PRR5L: variants seen among roughly 807,000 people sequenced by gnomAD.
PRR5L encodes proline rich 5 like.
Under a neutral mutation model 36.4 loss-of-function variants are expected in PRR5L, and 21 were observed. That is an observed-to-expected ratio of 0.58 (90% CI 0.41 to 0.83). PRR5L has a LOEUF of 0.83. Among genes scored for constraint, PRR5L ranks in the 40% least tolerant of loss-of-function variants. The pLI is 0.00. For missense variants in PRR5L, 381 were observed against 473.3 expected (o/e 0.80, Z 1.81); for synonymous variants, 188 against 197.0 (o/e 0.95, Z 0.38).
chr11:36,451,378 A>C, intron 8 of PRR5L, 43 bp downstream of exon 8: 1 of 1,610,518 alleles, frequency 6.2e-7, no homozygotes, highest in Non-Finnish European at 8.5e-7. Context: ...CCCAGTGATC[A>C]TGATACCAGC....
Position 36,316,114 on chromosome 11 carries a change from T to C in PRR5L, c.-126+19676T>C, listed in dbSNP as rs116011527. On this transcript the variant is annotated intron_variant, in intron 1 of 8. Transcript: ENST00000530639. ...TAGGACAGGAATCAGCAAACTTTTT[T>C]ATGAAGGGCGAGATAGAAAATAATT... 6.9e-3 allele frequency among the ~76,000 whole-genome samples: 1,057 copies of C among 152,314 alleles called. 12 individuals carry two copies. The highest frequency in any genetic ancestry group is 0.024 in the African/African-American group (1,017 of 41,562).
intron 1 of PRR5L, among the ~76,000 whole-genome samples, chr11:36,345,135 G>A (rs964118996): frequency 6.6e-6 from 1 of 152,102 alleles, no homozygotes; most frequent in African/African-American, 2.4e-5. Flanking sequence ...CCGTGGGACT[G>A]ATGGTTGTGT....
Position 36,451,222 on chromosome 11 carries a change from C to G in PRR5L, c.599C>G (p.Pro200Arg). 6.2e-7 allele frequency: 1 copy of G among 1,614,140 alleles called. No individual in the cohort carries two copies. Among genetic ancestry groups the G allele is most frequent in the Non-Finnish European group, 8.5e-7 (1 of 1,180,014 alleles). ...MLLILQSVHEPTGPSESYLQL... is the reference protein window; with the variant it reads ...MLLILQSVHERTGPSESYLQL... ...TTCATTTTCCAGAGTGTTCACGAGC[C>G]CACAGGCCCAAGTGAGAGTTATTTG... Residue 200 changes from proline (P) to arginine (R), a missense_variant, in exon 8 of 9, where the codon CCC (proline) becomes CGC (arginine). Coordinates refer to ENST00000530639, the MANE Select transcript of PRR5L (RefSeq NM_001160167.2).
Position 36,344,219 on chromosome 11 carries a change from CAA to C in PRR5L, c.-126+47792_-126+47793del, listed in dbSNP as rs201296184. Among the ~76,000 whole-genome samples the C allele has an allele frequency of 7.2e-6, 1 of 138,658 alleles. No homozygotes were observed. The allele number at this position is 138,658 out of a possible 152,430, so 91.0% of individuals were successfully genotyped here. A position where few individuals can be genotyped will look rare whatever the true frequency, so the allele number is the denominator to read the frequency against. On this transcript the variant is annotated intron_variant, in intron 1 of 8. Coordinates refer to ENST00000530639, the MANE Select transcript of PRR5L (RefSeq NM_001160167.2). This position sits in a 1 kb window ranked among gnomAD's most constrained non-coding sequence, Gnocchi z 4.1. ...GGGCAACAAGCGCAAAACTCTGTCT[CAA>C]AAAAAAAAAATCACATGCTCATAGA...
intron 8 of PRR5L, among the ~76,000 whole-genome samples, chr11:36,457,308 T>C (rs531458362): frequency 4.0e-4 from 61 of 152,286 alleles, no homozygotes; most frequent in Middle Eastern, 6.8e-3. Context: ...TCCCATACTC[T>C]TATAAAACAT....
At chr11:36,339,085 T>G (rs1429839998) in intron 1 of PRR5L, among the ~76,000 whole-genome samples, 2 of 152,212 alleles carry the variant, frequency 1.3e-5, no homozygotes, top group Non-Finnish European at 2.9e-5. Flanking sequence ...CTCAGCCATG[T>G]GGAACTGCAA....
intron 1 of PRR5L, among the ~76,000 whole-genome samples, chr11:36,338,489 G>C (rs772248955): frequency 9.9e-5 from 15 of 152,098 alleles, no homozygotes; most frequent in Non-Finnish European, 1.6e-4. Context: ...ACTCTCTTCT[G>C]CCTTGGATTT....
In PRR5L at chr11:36,419,187, C is replaced by A. The variant is rs371974062; in HGVS notation, c.246-68C>A. On this transcript the variant is annotated intron_variant, in intron 3 of 8. Coordinates refer to ENST00000530639, the MANE Select transcript of PRR5L (RefSeq NM_001160167.2). ...GGCCCCACCCCGTGCCACTGGTGAG[C>A]ACATTGTCACCATGAGCTGTACCAT... 2.2e-5 allele frequency: 33 copies of A among 1,468,078 alleles called. No individual in the cohort carries two copies. In the African/African-American group the frequency reaches 4.0e-4, roughly 18 times the overall value. 90.9% of individuals were successfully genotyped at this position (1,468,078 alleles called of 1,614,324 possible). A position where few individuals can be genotyped will look rare whatever the true frequency, so the allele number is the denominator to read the frequency against.
At chr11:36,401,513 C>T (rs1857796316) in intron 2 of PRR5L, among the ~76,000 whole-genome samples, 1 of 152,214 alleles carries the variant, frequency 6.6e-6, no homozygotes, top group Non-Finnish European at 1.5e-5. Context: ...CAGCCTCAAA[C>T]TTCTGGGCTC....
chr11:36,325,725 C>T (rs1011097724), intron 1 of PRR5L, among the ~76,000 whole-genome samples: 6 of 152,124 alleles, frequency 3.9e-5, no homozygotes, highest in African/African-American at 1.2e-4. Flanking sequence ...GATTCTTAGT[C>T]GGCCTGGGAA....
chr11:36,374,473 AG>A (rs1399217751), intron 1 of PRR5L, among the ~76,000 whole-genome samples: 3 of 151,860 alleles, frequency 2.0e-5, no homozygotes, highest in East Asian at 3.9e-4. Flanking sequence ...GAGTTGAATG[AG>A]GGAGACTGGG....
intron 1 of PRR5L, among the ~76,000 whole-genome samples, chr11:36,383,447 T>C (rs1274813146): frequency 6.6e-6 from 1 of 152,204 alleles, no homozygotes; most frequent in African/African-American, 2.4e-5. Flanking sequence ...CTGTTTGGCT[T>C]GCATTGTATT....
chr11:36,305,418 A>T (rs987727560), intron 1 of PRR5L, among the ~76,000 whole-genome samples: 1 of 152,126 alleles, frequency 6.6e-6, no homozygotes, highest in African/African-American at 2.4e-5. Flanking sequence ...ATGGGTATGA[A>T]GTTTCCTTTT....
chr11:36,350,948 A>T (rs369881034), intron 1 of PRR5L, among the ~76,000 whole-genome samples: 12 of 14,440 alleles, frequency 8.3e-4, no homozygotes, highest in East Asian at 7.8e-3. Context: ...TTATATATAT[A>T]TATTTATATA....
At chr11:36,434,079 A>T (rs1462718532) in intron 5 of PRR5L, among the ~76,000 whole-genome samples, 3 of 152,342 alleles carry the variant, frequency 2.0e-5, no homozygotes, top group Middle Eastern at 3.4e-3. Flanking sequence ...AGTAACCCTC[A>T]TCATAGATAC....
At chr11:36,410,272 T>C (rs1421819819) in intron 3 of PRR5L, among the ~76,000 whole-genome samples, 1 of 152,192 alleles carries the variant, frequency 6.6e-6, no homozygotes, top group Admixed American at 6.5e-5. Flanking sequence ...CCGGCCTCTC[T>C]GGAAAGGTCA....
At chr11:36,425,860 G>T (rs1487656207) in intron 4 of PRR5L, 1 of 152,180 alleles carries the variant, frequency 6.6e-6, no homozygotes, top group Admixed American at 6.5e-5. Flanking sequence ...GCAGCCCTGG[G>T]TTTATGCCAA....
chr11:36,364,799 T>C (rs1431038691), intron 1 of PRR5L, among the ~76,000 whole-genome samples: 1 of 152,202 alleles, frequency 6.6e-6, no homozygotes, highest in Admixed American at 6.5e-5. Context: ...TCTCCCGTGT[T>C]TGAGTCCTGA....
Position 36,462,397 on chromosome 11 carries a change from G to A in PRR5L, c.768G>A (p.Pro256=), listed in dbSNP as rs1009014165. Residue 256 remains proline (P), a synonymous_variant, in exon 9 of 9, where the codon CCG becomes CCA. Coordinates refer to ENST00000530639, the MANE Select transcript of PRR5L (RefSeq NM_001160167.2). ...PKVTVLNYAS[P]ITAVSRPLNE... is the part of the protein sequence containing the mutation. ...TGACTGTCCTGAACTATGCCTCCCCGATAACCGCAGTCAGCCGGCCACTGA... is the reference window on the plus strand; with the variant it reads ...TGACTGTCCTGAACTATGCCTCCCCAATAACCGCAGTCAGCCGGCCACTGA... The A allele has an allele frequency of 3.8e-6, 6 of 1,560,634 alleles. No individual in the cohort carries two copies. The South Asian group carries it at 6.1e-5, about 16-fold the overall frequency.
Sources: gnomAD v4.1 joint callset for allele counts (sites outside exome capture counted in the v4.1 genomes callset) on GRCh38, gnomAD v4.1.1 for gene constraint, Gnocchi (gnomAD v3.1) non-coding constraint, MANE v1.5 for transcripts, NCBI Gene and HGNC (gene_info 2026-07-23, HGNC 2026-07-21) for gene names.